The following IL7R variants were observed in gnomAD, a reference collection of about 807,000 sequenced individuals.
IL7R encodes interleukin 7 receptor, also known as interleukin-7 receptor subunit alpha.
Under a neutral mutation model 47.0 loss-of-function variants are expected in IL7R, and 38 were observed. The observed-to-expected ratio is 0.81, with a 90% CI of 0.62 to 1.06. The LOEUF (loss-of-function observed/expected upper bound fraction) is 1.06. IL7R is among the 50% of genes least tolerant of loss of function. The pLI, the probability that IL7R is intolerant of heterozygous loss-of-function variation, is 0.00. For missense variants in IL7R, 633 were observed against 534.8 expected, an observed-to-expected ratio of 1.18 and a Z score of -1.81; for synonymous variants, 221 against 199.8, an observed-to-expected ratio of 1.11 and a Z score of -0.89.
intron 3 of IL7R, among the ~76,000 whole-genome samples, chr5:35,867,842 A>C (rs1759977520): frequency 6.6e-6 from 1 of 152,086 alleles, no homozygotes; most frequent in Admixed American, 6.5e-5. Context: ...CAACATTCTG[A>C]GTAAGTTTAG....
In IL7R at chr5:35,874,459, T is replaced by C. The variant is rs1426076287; in HGVS notation, c.717T>C (p.Asp239=). Reference sequence around the variant, plus strand: ...ATTCTTGCTTTCCAGGGGAGATGGATCCTATCTTACTAACCATCAGCATTT... The same window carrying C: ...ATTCTTGCTTTCCAGGGGAGATGGACCCTATCTTACTAACCATCAGCATTT... The part of the protein sequence containing the change: ...PEINNSSGEM[D]PILLTISILS... Residue 239 remains aspartate, a synonymous_variant, in exon 6 of 8, where the codon GAT becomes GAC. Transcript: ENST00000303115. The C allele has an allele frequency of 1.2e-6, 2 of 1,609,372 alleles. No homozygotes were observed. Among genetic ancestry groups the C allele is most frequent in the East Asian group, 2.2e-5 (1 of 44,858 alleles).
At chr5:35,860,361 T>C (rs930382734) in intron 1 of IL7R, among the ~76,000 whole-genome samples, 2 of 152,130 alleles carry the variant, frequency 1.3e-5, no homozygotes, top group Admixed American at 6.6e-5. Context: ...ATAGCTATCA[T>C]TGTCCTTCAT....
At position 35,873,603 on chromosome 5, in the gene IL7R, A is replaced by T. The variant is rs1760128768; in HGVS notation, c.661A>T (p.Ser221Cys). 2 of 1,613,886 alleles carry T rather than the reference A, an allele frequency of 1.2e-6. No homozygotes were observed. ...HYFKGFWSEW[S>C]PSYYFRTPEI... ...TTTTAAAGGCTTCTGGAGTGAATGG[A>T]GTCCAAGTTATTACTTCAGAACTCC... Residue 221 changes from serine to cysteine, a missense_variant, in exon 5 of 8, where the codon AGT becomes TGT. Transcript: ENST00000303115.
intron 3 of IL7R, among the ~76,000 whole-genome samples, chr5:35,868,288 G>A (rs11567736): frequency 1.0e-3 from 156 of 152,190 alleles, no homozygotes; most frequent in African/African-American, 3.2e-3. Flanking sequence ...TTCCCTATTC[G>A]CTCCCCCTTC....
chr5:35,865,204 G>C (rs981486224), intron 2 of IL7R, among the ~76,000 whole-genome samples: 1 of 152,118 alleles, frequency 6.6e-6, no homozygotes, highest in Non-Finnish European at 1.5e-5. Context: ...GTGAGAACAT[G>C]CAGTGTTTGA....
At chr5:35,862,815 T>A (rs925295189) in intron 2 of IL7R, among the ~76,000 whole-genome samples, 4 of 152,126 alleles carry the variant, frequency 2.6e-5, no homozygotes, top group African/African-American at 9.7e-5. Flanking sequence ...ACAAATATAT[T>A]CTATACTCAA....
chr5:35,872,969 T>C (rs1760107345), intron 4 of IL7R, among the ~76,000 whole-genome samples: 1 of 152,072 alleles, frequency 6.6e-6, no homozygotes, highest in Admixed American at 6.5e-5. Flanking sequence ...ATCAAATAAA[T>C]ACAGATATAA....
chr5:35,868,246 A>G (rs1430037652), intron 3 of IL7R, among the ~76,000 whole-genome samples: 2 of 152,170 alleles, frequency 1.3e-5, no homozygotes, highest in African/African-American at 2.4e-5. Flanking sequence ...ACTGATTTAA[A>G]TGTTAACCAT....
chr5:35,857,201 A>G (rs991748111), intron 1 of IL7R, 142 bp downstream of exon 1: 28 of 623,096 alleles, frequency 4.5e-5, no homozygotes, highest in Admixed American at 2.7e-4. Context: ...CATTTTTTTT[A>G]ATGTTTAACC....
Position 35,877,572 on chromosome 5 carries a change from G to C in IL7R, c.*1086G>C. On this transcript the variant is annotated 3_prime_UTR_variant, in exon 8 of 8. Transcript: ENST00000303115. The stretch of plus-strand genomic sequence containing the variant: ...GGACATGGGTACGTTTGACGAGTGA[G>C]AGGAGGCATGACCCCTCCCATGTGT... The C allele has an allele frequency of 4.3e-6, 1 of 233,176 alleles. No homozygotes were observed. Among genetic ancestry groups the C allele is most frequent in the Non-Finnish European group, 8.5e-6 (1 of 118,006 alleles). 14.4% of individuals were successfully genotyped at this position (233,176 alleles called of 1,614,324 possible). A position where few individuals can be genotyped will look rare whatever the true frequency, so the allele number is the denominator to read the frequency against.
In IL7R at chr5:35,867,417, T is replaced by G; in HGVS notation, c.333T>G (p.Val111=). 6.2e-7 allele frequency: 1 copy of G among 1,613,558 alleles called. No homozygotes were observed. Among genetic ancestry groups the G allele is most frequent in the Non-Finnish European group, 8.5e-7 (1 of 1,179,624 alleles). ...LIGKSNICVK[V]GEKSLTCKKI... ...GAAAGAGCAATATATGTGTGAAGGT[T>G]GGAGAAAAGAGTCTAACCTGCAAAA... Residue 111 remains valine (V), a synonymous_variant, in exon 3 of 8, where the codon GTT becomes GTG. Transcript: ENST00000303115.
rs1294381842 is a variant in IL7R at position 35,878,738 on chromosome 5, G to C, written c.*2252G>C. On this transcript the variant is annotated 3_prime_UTR_variant, in exon 8 of 8. Coordinates refer to ENST00000303115, the MANE Select transcript of IL7R (RefSeq NM_002185.5). ...TGACTTATGGGAAAACTGGGACACA[G>C]GAAGACAGGTAAATTACCCAACCTC... 1 of 232,826 alleles carries C rather than the reference G, an allele frequency of 4.3e-6. No homozygotes were observed. Among genetic ancestry groups the C allele is most frequent in the African/African-American group, 2.2e-5 (1 of 45,308 alleles). 14.4% of individuals were successfully genotyped at this position (232,826 alleles called of 1,614,324 possible).
intron 1 of IL7R, among the ~76,000 whole-genome samples, chr5:35,859,820 A>C (rs1455907858): frequency 6.6e-6 from 1 of 152,174 alleles, no homozygotes; most frequent in Non-Finnish European, 1.5e-5. Flanking sequence ...TCTAATTTCT[A>C]GTACTGATGA....
At position 35,873,737 on chromosome 5, in the gene IL7R, A is replaced by G. The variant is rs542197324; in HGVS notation, c.706+89A>G. The G allele has an allele frequency of 2.4e-6, 3 of 1,233,052 alleles. No individual in the cohort carries two copies. In the Admixed American group the frequency reaches 5.0e-5, roughly 21 times the overall value. The allele number at this position is 1,233,052 out of a possible 1,614,324, so 76.4% of individuals were successfully genotyped here. A position where few individuals can be genotyped will look rare whatever the true frequency, so the allele number is the denominator to read the frequency against. ...AGTGAGAGGAAGATTGTTGAAACTA[A>G]CCTGCAAAATAGGACACCCTTGGAG... On this transcript the variant is annotated intron_variant, in intron 5 of 7. Coordinates refer to ENST00000303115, the MANE Select transcript of IL7R (RefSeq NM_002185.5).
Position 35,856,990 on chromosome 5 carries a change from G to T in IL7R, c.13G>T (p.Gly5Cys), listed in dbSNP as rs1374760636. MTIL[G>C]TTFGMVFSLL... ...TATCTCTCTCAGAATGACAATTCTA[G>T]GTACAACTTTTGGCATGGTTTTTTC... is the stretch of plus-strand genomic sequence containing the variant. Residue 5 changes from glycine (G) to cysteine (C), a missense_variant, in exon 1 of 8, where the codon GGT (glycine) becomes TGT (cysteine). By Grantham distance (159) the Gly-to-Cys change is radical (BLOSUM62 -3). Transcript: ENST00000303115. 1 of 1,600,236 alleles carries T rather than the reference G, an allele frequency of 6.2e-7. No individual in the cohort carries two copies. Among genetic ancestry groups the T allele is most frequent in the East Asian group, 2.2e-5 (1 of 44,834 alleles).
chr5:35,875,378 G>A (rs1760178806), intron 6 of IL7R, 134 bp from the exon 7 acceptor site: 2 of 733,946 alleles, frequency 2.7e-6, no homozygotes, highest in Non-Finnish European at 4.9e-6. Flanking sequence ...CTTGACCATG[G>A]TCACCCACCT....
intron 3 of IL7R, among the ~76,000 whole-genome samples, chr5:35,870,455 A>C (rs954134041): frequency 2.0e-5 from 3 of 152,230 alleles, no homozygotes; most frequent in Non-Finnish European, 4.4e-5. Flanking sequence ...TGCAAGGTTC[A>C]CAGCATATAA....
At chr5:35,869,956 A>G (rs1431918239) in intron 3 of IL7R, among the ~76,000 whole-genome samples, 2 of 152,216 alleles carry the variant, frequency 1.3e-5, no homozygotes, top group African/African-American at 4.8e-5. Flanking sequence ...AGTGACTACA[A>G]CAAGAGCTAG....
Position 35,878,638 on chromosome 5 carries a change from C to T in IL7R, c.*2152C>T, listed in dbSNP as rs1038626216. On this transcript the variant is annotated 3_prime_UTR_variant, in exon 8 of 8. Transcript: ENST00000303115. ...TGGGAGTCAAGTCTCAAATAGGAGGCTCCACAAAATCTCATGCCAGGTCTC... is the reference window on the plus strand; with the variant it reads ...TGGGAGTCAAGTCTCAAATAGGAGGTTCCACAAAATCTCATGCCAGGTCTC... 15 of 232,502 alleles carry T rather than the reference C, an allele frequency of 6.5e-5. No individual in the cohort carries two copies. The highest frequency in any genetic ancestry group is 5.6e-4 in the Admixed American group (10 of 17,746). The allele number at this position is 232,502 out of a possible 1,614,324, so 14.4% of individuals were successfully genotyped here. A position where few individuals can be genotyped will look rare whatever the true frequency, so the allele number is the denominator to read the frequency against.
Sources: gnomAD v4.1 joint callset for allele counts (sites outside exome capture counted in the v4.1 genomes callset) on GRCh38, gnomAD v4.1.1 for gene constraint, MANE v1.5 for transcripts, NCBI Gene and HGNC (gene_info 2026-07-23, HGNC 2026-07-21) for gene names.